The following SMARCAD1 variants were observed in gnomAD, a reference collection of about 807,000 sequenced individuals.
The protein encoded by SMARCAD1 is SWI/SNF-related matrix-associated actin-dependent regulator of chromatin subfamily A containing DEAD/H box 1.
SMARCAD1 carries 25 observed loss-of-function variants against 127.1 expected under a neutral mutation model. The ratio of observed to expected loss-of-function variants is 0.20; its 90% CI spans 0.14 to 0.27. The LOEUF (loss-of-function observed/expected upper bound fraction) is 0.27, where lower values mean the gene tolerates loss of function less well. Ranked by LOEUF, SMARCAD1 falls within the 10% of genes least tolerant of loss-of-function variation. The pLI is 1.00. For missense variants in SMARCAD1, 807 were observed against 1,206.0 expected (o/e 0.67, Z 4.90); for synonymous variants, 400 against 396.9 (o/e 1.01, Z -0.09).
chr4:94,209,406 G>T (rs894910360), intron 2 of SMARCAD1, among the ~76,000 whole-genome samples: 2 of 152,144 alleles, frequency 1.3e-5, no homozygotes, highest in Non-Finnish European at 2.9e-5. Context: ...TATGATTCCT[G>T]AGCATAAACT....
At chr4:94,209,527 A>C (rs1741852552) in intron 2 of SMARCAD1, among the ~76,000 whole-genome samples, 1 of 152,224 alleles carries the variant, frequency 6.6e-6, no homozygotes, top group African/African-American at 2.4e-5. Flanking sequence ...ACAGCTTTTA[A>C]CTTAATGTAG....
intron 9 of SMARCAD1, among the ~76,000 whole-genome samples, chr4:94,255,022 A>G (rs976364814): frequency 6.6e-6 from 1 of 152,040 alleles, no homozygotes; most frequent in Non-Finnish European, 1.5e-5. Flanking sequence ...TTCCCTGTTA[A>G]TCAGTGAGGT....
Position 94,208,474 on chromosome 4 carries a change from C to T in SMARCAD1, c.80C>T (p.Pro27Leu), listed in dbSNP as rs1223552257. 2 of 1,614,028 alleles carry T rather than the reference C, an allele frequency of 1.2e-6. No individual in the cohort carries two copies. Among genetic ancestry groups the T allele is most frequent in the Admixed American group, 1.7e-5 (1 of 59,990 alleles). Residue 27 changes from proline (P) to leucine (L), a missense_variant, in exon 2 of 24, where the codon CCT becomes CTT. Physicochemically the swap from Pro to Leu is moderately conservative, Grantham distance 98. Coordinates refer to ENST00000354268, the MANE Select transcript of SMARCAD1 (RefSeq NM_020159.5). ...IEEAPEATPQ[P>L]SQPGPSSPIS... ...GAAGCGCCCGAAGCAACCCCTCAAC[C>T]TTCCCAGCCTGGCCCTTCTTCACCA...
intron 14 of SMARCAD1, among the ~76,000 whole-genome samples, 160 bp from the exon 15 acceptor site, chr4:94,276,179 G>A (rs111838760): frequency 0.011 from 1,599 of 152,184 alleles, 25 homozygotes; most frequent in African/African-American, 0.036. Context: ...ATACAAGTAC[G>A]TCAGTATTTA....
chr4:94,272,306 C>T (rs976912394), intron 11 of SMARCAD1, among the ~76,000 whole-genome samples: 4 of 152,190 alleles, frequency 2.6e-5, no homozygotes, highest in African/African-American at 9.7e-5. Flanking sequence ...GAGGTGGACA[C>T]AATTCAGTCC....
chr4:94,225,524 C>T (rs1478632617), intron 2 of SMARCAD1, among the ~76,000 whole-genome samples: 1 of 152,114 alleles, frequency 6.6e-6, no homozygotes, highest in Admixed American at 6.5e-5. Context: ...TTTTAGAGGC[C>T]TCATCTCCAA....
chr4:94,216,241 C>T (rs752296810), intron 2 of SMARCAD1, among the ~76,000 whole-genome samples: 2 of 152,138 alleles, frequency 1.3e-5, no homozygotes, highest in African/African-American at 2.4e-5. Flanking sequence ...CTCCTAATAC[C>T]ATTACCATAA....
chr4:94,284,093 G>A (rs137881650), intron 22 of SMARCAD1, among the ~76,000 whole-genome samples: 20,416 of 151,526 alleles, frequency 0.13, 1,677 homozygotes, highest in Non-Finnish European at 0.19. Flanking sequence ...AGGCGAAGGC[G>A]GGTGGATCAC....
rs376956329 is a variant in SMARCAD1 at position 94,230,323 on chromosome 4, A to G, written c.369-3631A>G. ...TCTTACACAAAAGATAGCATACTAC[A>G]TGTGTGTATATTCATTTGTTCTTTT... On this transcript the variant is annotated intron_variant, in intron 3 of 23. Transcript: ENST00000354268. 1.3e-4 allele frequency among the ~76,000 whole-genome samples: 19 copies of G among 151,840 alleles called. No individual in the cohort carries two copies. The East Asian group carries it at 2.7e-3, about 22-fold the overall frequency.
chr4:94,222,644 T>C (rs901473573), intron 2 of SMARCAD1, among the ~76,000 whole-genome samples: 8 of 152,202 alleles, frequency 5.3e-5, no homozygotes, highest in Admixed American at 2.6e-4. Flanking sequence ...TTCTGTTCTG[T>C]TAACTAAGCA....
chr4:94,240,756 AT>A (rs1202587307), intron 5 of SMARCAD1, 149 bp from the exon 6 acceptor site: 5 of 635,268 alleles, frequency 7.9e-6, no homozygotes, highest in African/African-American at 5.6e-5. Flanking sequence ...TTTTTTTTCA[AT>A]TCAGTCATAT....
intron 3 of SMARCAD1, among the ~76,000 whole-genome samples, chr4:94,226,903 T>C (rs1274884039): frequency 6.6e-6 from 1 of 151,890 alleles, no homozygotes; most frequent in Non-Finnish European, 1.5e-5. Flanking sequence ...GGGGTCTTGC[T>C]ATGTTGTCCA....
At chr4:94,225,729 A>T (rs1744885028) in intron 2 of SMARCAD1, among the ~76,000 whole-genome samples, 1 of 152,206 alleles carries the variant, frequency 6.6e-6, no homozygotes, top group Non-Finnish European at 1.5e-5. Context: ...TAGTATCTGT[A>T]TTTACAGAGG....
At chr4:94,216,331 A>G (rs913747875) in intron 2 of SMARCAD1, among the ~76,000 whole-genome samples, 3 of 152,092 alleles carry the variant, frequency 2.0e-5, no homozygotes, top group African/African-American at 7.2e-5. Flanking sequence ...TGCCATAGAA[A>G]AATTTTAGAT....
At position 94,208,333 on chromosome 4, in the gene SMARCAD1, T is replaced by G. The variant is rs1341954910; in HGVS notation, c.-49-13T>G. 6.5e-7 allele frequency: 1 copy of G among 1,549,924 alleles called. No homozygotes were observed. ...TCATGGCCTTTTTTCCTCTCTTTAT[T>G]TTTCCCCTGCAGATAGTTCATTTAA... On this transcript the variant is annotated splice_polypyrimidine_tract_variant and intron_variant, in intron 1 of 23. Transcript: ENST00000354268.
intron 2 of SMARCAD1, among the ~76,000 whole-genome samples, chr4:94,215,428 T>C (rs1448067246): frequency 7.9e-5 from 12 of 151,934 alleles, no homozygotes; most frequent in African/African-American, 2.4e-4. Flanking sequence ...CAAGACCAGC[T>C]TGGGCAATGT....
rs775908103 is a variant in SMARCAD1 at position 94,276,464 on chromosome 4, T to C, written c.1934T>C (p.Met645Thr). The change falls in exon 15 of 24, where the codon ATG becomes ACG. Residue 645 changes from methionine to threonine, a missense_variant. Physicochemically the swap from Met to Thr is moderately conservative, Grantham distance 81 (BLOSUM62 -1). Around this residue, in one of 8 missense-constraint regions of SMARCAD1, gnomAD observed 148 missense variants for 313.2 expected, o/e 0.47. Coordinates refer to ENST00000354268, the MANE Select transcript of SMARCAD1 (RefSeq NM_020159.5). ...NMGSIRYQHL[M>T]TINANNRLLL... The stretch of plus-strand genomic sequence containing the variant: ...GGCTCCATTCGCTACCAGCACCTTA[T>C]GACAATTAATGTAAGAGAATGTTTG... 1.9e-6 allele frequency: 3 copies of C among 1,614,156 alleles called. No homozygotes were observed. Among genetic ancestry groups the C allele is most frequent in the Admixed American group, 3.3e-5 (2 of 60,022 alleles).
rs761317738 is a variant in SMARCAD1, at chr4:94,259,250, C to T, written c.1282-5457C>T. On this transcript the variant is annotated intron_variant, in intron 9 of 23. Transcript: ENST00000354268. ...GAAGAATCCTTAATTTTGGAAGCAACATACCAAATCTGAATCAGTTCCTCA... is the reference window on the plus strand; with the variant it reads ...GAAGAATCCTTAATTTTGGAAGCAATATACCAAATCTGAATCAGTTCCTCA... 2.7e-4 allele frequency among the ~76,000 whole-genome samples: 41 copies of T among 152,184 alleles called. 1 individual carries two copies. The highest frequency in any genetic ancestry group is 1.9e-3 in the Admixed American group (29 of 15,276).
intron 19 of SMARCAD1, among the ~76,000 whole-genome samples, chr4:94,279,817 A>G (rs1753766849): frequency 6.6e-6 from 1 of 150,882 alleles, no homozygotes; most frequent in South Asian, 2.1e-4. Flanking sequence ...TTTTAACCTT[A>G]TTTATCCTTA....
Sources: allele counts gnomAD v4.1 joint callset (sites outside exome capture counted in the v4.1 genomes callset), GRCh38; gene constraint gnomAD v4.1.1; regional missense constraint gnomAD v4.1.1; transcripts MANE v1.5; gene names NCBI Gene and HGNC (gene_info 2026-07-23, HGNC 2026-07-21).